NRXN1: variants seen among roughly 807,000 people sequenced by gnomAD.
NRXN1 encodes the protein neurexin 1.
A neutral mutation model predicts 150.9 loss-of-function variants in NRXN1; 39 were observed. The observed-to-expected ratio is 0.26, with a 90% CI of 0.20 to 0.34. NRXN1 has a LOEUF of 0.34. NRXN1 is among the 10% of genes least tolerant of loss of function. The pLI is 1.00. For missense variants in NRXN1, 1,815 were observed against 1,949.9 expected (o/e 0.93, Z 1.30); for synonymous variants, 924 against 757.0 (o/e 1.22, Z -3.62).
intron 5 of NRXN1, among the ~76,000 whole-genome samples, chr2:50,814,581 T>C (rs550059880): frequency 8.2e-4 from 124 of 152,114 alleles, no homozygotes; most frequent in African/African-American, 2.9e-3. Context: ...TCTGGAAAAC[T>C]CCTTCATTCT....
At chr2:50,704,480 T>C (rs190545123) in intron 5 of NRXN1, among the ~76,000 whole-genome samples, 3 of 152,064 alleles carry the variant, frequency 2.0e-5, no homozygotes, top group Admixed American at 6.5e-5. Context: ...AGAGTTACTT[T>C]TCTAAAGCAT....
chr2:50,936,894 G>A (rs1358774379), intron 2 of NRXN1, among the ~76,000 whole-genome samples: 2 of 151,942 alleles, frequency 1.3e-5, no homozygotes, highest in African/African-American at 4.8e-5. Flanking sequence ...TAAATTGTCA[G>A]GAACAAAAAA....
intron 8 of NRXN1, among the ~76,000 whole-genome samples, chr2:50,587,024 A>T (rs1673234098): frequency 6.6e-6 from 1 of 152,184 alleles, no homozygotes; most frequent in South Asian, 2.1e-4. Context: ...AATTCACAAC[A>T]GTGAGACACA....
chr2:49,991,506 T>C (rs769242268), intron 21 of NRXN1, among the ~76,000 whole-genome samples: 1 of 152,020 alleles, frequency 6.6e-6, no homozygotes, highest in Non-Finnish European at 1.5e-5. Flanking sequence ...ATGAAACACA[T>C]AGATGTAAAT....
chr2:50,296,758 C>T (rs908906246), intron 17 of NRXN1, among the ~76,000 whole-genome samples: 4 of 151,926 alleles, frequency 2.6e-5, no homozygotes, highest in Non-Finnish European at 5.9e-5. Flanking sequence ...ATTAGCCACG[C>T]TGCTCAGCCA....
rs190446605 is a variant in NRXN1 at position 50,997,228 on chromosome 2, G to A, written c.772+30274C>T. Reference sequence around the variant, plus strand: ...AGTATTGCTCCACTTGAGCCCAGGAGTTTGAGACCAGCCTGGGCAACACGG... The same window carrying A: ...AGTATTGCTCCACTTGAGCCCAGGAATTTGAGACCAGCCTGGGCAACACGG... On this transcript the variant is annotated intron_variant, in intron 2 of 22. Transcript: ENST00000401669. Among the ~76,000 whole-genome samples the A allele has an allele frequency of 3.0e-4, 45 of 152,028 alleles. 1 individual carries two copies. The highest frequency in any genetic ancestry group is 4.4e-5 in the Non-Finnish European group (3 of 67,966).
chr2:50,098,362 C>T (rs1700517774), intron 18 of NRXN1, among the ~76,000 whole-genome samples: 1 of 151,890 alleles, frequency 6.6e-6, no homozygotes, highest in Non-Finnish European at 1.5e-5. Context: ...GGGAAAAGCA[C>T]AGGTGCATTG....
At chr2:50,349,104 C>G (rs1201773002) in intron 17 of NRXN1, among the ~76,000 whole-genome samples, 1 of 152,114 alleles carries the variant, frequency 6.6e-6, no homozygotes, top group Non-Finnish European at 1.5e-5. Flanking sequence ...CAGTGGCCCC[C>G]AAATCACACC....
chr2:50,034,119 T>G (rs563459431), intron 21 of NRXN1, among the ~76,000 whole-genome samples: 2 of 152,214 alleles, frequency 1.3e-5, no homozygotes, highest in South Asian at 4.1e-4. Flanking sequence ...AACTACCATT[T>G]TACCCAGCAA....
chr2:50,828,193 C>T lies in NRXN1; in HGVS notation c.832+93676G>A, dbSNP rs886394720. On this transcript the variant is annotated intron_variant, in intron 5 of 22. Transcript: ENST00000401669. ...CCCAGTAGGGGCGGCCGGGCAGAGG[C>T]ACCCCTCACCTCCCGGACGGGGCGG... Among the ~76,000 whole-genome samples, 449 of 148,896 alleles carry T rather than the reference C, an allele frequency of 3.0e-3. 3 individuals are homozygous for T. The highest frequency in any genetic ancestry group is 0.011 in the African/African-American group (428 of 40,294).
At chr2:50,633,352 C>A (rs953881275) in intron 5 of NRXN1, among the ~76,000 whole-genome samples, 3 of 151,828 alleles carry the variant, frequency 2.0e-5, no homozygotes, top group South Asian at 2.1e-4. Flanking sequence ...AGAAAAAAAA[C>A]TAAAATTATC....
chr2:50,264,815 G>C (rs1278864156), intron 17 of NRXN1, among the ~76,000 whole-genome samples: 2 of 152,040 alleles, frequency 1.3e-5, no homozygotes, highest in Non-Finnish European at 2.9e-5. Flanking sequence ...TTGGAGACAA[G>C]AAGTGGGAAC....
chr2:50,566,661 T>C (rs188920406), intron 8 of NRXN1, among the ~76,000 whole-genome samples: 37 of 152,280 alleles, frequency 2.4e-4, no homozygotes, highest in Non-Finnish European at 4.0e-4. Context: ...GACAGTCTTA[T>C]GAAGTAGACA....
chr2:50,364,184 A>G (rs1483537319), intron 17 of NRXN1, among the ~76,000 whole-genome samples: 1 of 152,168 alleles, frequency 6.6e-6, no homozygotes, highest in Non-Finnish European at 1.5e-5. Context: ...GCACATGTTT[A>G]CCCATGTAAC....
intron 5 of NRXN1, among the ~76,000 whole-genome samples, chr2:50,905,188 C>T (rs1683500422): frequency 6.6e-6 from 1 of 152,080 alleles, no homozygotes; most frequent in Non-Finnish European, 1.5e-5. Flanking sequence ...ATGATCCCAC[C>T]TTTCCTCAGC....
rs574145072 is a variant in NRXN1, at chr2:49,919,118, AAAG to A, written c.*2823_*2825del. ...AAAGGCAACACATTACATGGATAAA[AAAG>A]AAGCATAATCAATCAGAAAAGTTAC... On this transcript the variant is annotated 3_prime_UTR_variant, in exon 23 of 23. Coordinates refer to ENST00000401669, the MANE Select transcript of NRXN1 (RefSeq NM_001330078.2). The A allele has an allele frequency of 2.0e-5, 3 of 152,118 alleles. No homozygotes were observed. The highest frequency in any genetic ancestry group is 2.9e-5 in the Non-Finnish European group (2 of 67,974). The allele number at this position is 152,118 out of a possible 1,614,324, so 9.4% of individuals were successfully genotyped here.
Position 51,027,626 on chromosome 2 carries a change from C to A in NRXN1, c.648G>T (p.Pro216=). The A allele has an allele frequency of 6.3e-7, 1 of 1,583,512 alleles. No individual in the cohort carries two copies. The highest frequency in any genetic ancestry group is 8.6e-7 in the Non-Finnish European group (1 of 1,164,952). ...CCTCGCCCTCCTCGCCCGCCTCGCA[C>A]GGGCTTCCCCCGCCGCTGTTGGGCG... is the stretch of plus-strand genomic sequence containing the variant. ...DEPPNSGGGS[P]CEAGEEGEGG... Residue 216 remains proline, a synonymous_variant, in exon 2 of 23, where the codon CCG becomes CCT. Transcript: ENST00000401669.
chr2:50,785,927 G>T (rs905546203), intron 5 of NRXN1, among the ~76,000 whole-genome samples: 1 of 152,042 alleles, frequency 6.6e-6, no homozygotes, highest in Non-Finnish European at 1.5e-5. Flanking sequence ...TGGTAGCCAA[G>T]TTTGTTTCTT....
chr2:50,358,574 G>A (rs961591390), intron 17 of NRXN1, among the ~76,000 whole-genome samples: 5 of 152,226 alleles, frequency 3.3e-5, no homozygotes, highest in Non-Finnish European at 7.3e-5. Flanking sequence ...AAAGACAGCA[G>A]CCCCAGTCAG....
Sources: gnomAD v4.1 joint callset for allele counts (sites outside exome capture counted in the v4.1 genomes callset) on GRCh38, gnomAD v4.1.1 for gene constraint, MANE v1.5 for transcripts, NCBI Gene and HGNC (gene_info 2026-07-23, HGNC 2026-07-21) for gene names.